Variants in CYP7B1 observed in about 807,000 individuals in gnomAD.
CYP7B1 encodes cytochrome P450 family 7 subfamily B member 1.
Under a neutral mutation model 42.7 loss-of-function variants are expected in CYP7B1, and 29 were observed. The ratio of observed to expected loss-of-function variants is 0.68; its 90% confidence interval spans 0.51 to 0.93. CYP7B1 has a LOEUF of 0.93. CYP7B1 is among the 40% of genes least tolerant of loss of function. The pLI, the probability that CYP7B1 is intolerant of heterozygous loss-of-function variation, is 0.00. For synonymous variants in CYP7B1, 235 were observed against 218.2 expected (o/e 1.08, Z -0.68); for missense variants, 655 against 600.5 (o/e 1.09, Z -0.95).
chr8:64,643,695 G>C (rs1049167858), intron 1 of CYP7B1, among the ~76,000 whole-genome samples: 2 of 152,148 alleles, frequency 1.3e-5, no homozygotes, highest in African/African-American at 4.8e-5. Flanking sequence ...GAGTCAATTC[G>C]CTCAAACCCT....
chr8:64,708,077 C>T (rs1807026511), intron 1 of CYP7B1, among the ~76,000 whole-genome samples: 2 of 152,256 alleles, frequency 1.3e-5, no homozygotes, highest in Middle Eastern at 3.4e-3. Context: ...ATATTATGTT[C>T]TTTTCTTCCT....
chr8:64,595,006 CAGAG>C lies in CYP7B1; in HGVS notation c.*1632_*1635del, dbSNP rs1396093448. Among the ~76,000 whole-genome samples, 1 of 152,144 alleles carries C rather than the reference CAGAG, an allele frequency of 6.6e-6. No homozygotes were observed. Among genetic ancestry groups the C allele is most frequent in the Non-Finnish European group, 1.5e-5 (1 of 68,012 alleles). Reference sequence around the variant, plus strand: ...GACAAAGAGGACACGTTAAAGTAGTCAGAGAGAAGAGACAGACTACCTATTGAGT... The same window carrying C: ...GACAAAGAGGACACGTTAAAGTAGTCAGAAGAGACAGACTACCTATTGAGT... On this transcript the variant is annotated 3_prime_UTR_variant, in exon 6 of 6. Transcript: ENST00000310193.
intron 1 of CYP7B1, among the ~76,000 whole-genome samples, chr8:64,630,936 C>T (rs781702853): frequency 3.3e-5 from 5 of 152,122 alleles, no homozygotes; most frequent in Non-Finnish European, 5.9e-5. Context: ...GAGACTGCAT[C>T]ATGGTAAGCT....
chr8:64,795,113 T>C (rs1804684697), intron 1 of CYP7B1, among the ~76,000 whole-genome samples: 1 of 152,170 alleles, frequency 6.6e-6, no homozygotes. Context: ...TCTCAATCAA[T>C]ATGTTATATA....
At chr8:64,680,849 A>G (rs573274490) in intron 1 of CYP7B1, among the ~76,000 whole-genome samples, 23 of 152,304 alleles carry the variant, frequency 1.5e-4, no homozygotes, top group African/African-American at 4.6e-4. Flanking sequence ...TCCATTTTCC[A>G]TGGAAACTCT....
rs61050207 is a variant in CYP7B1 at position 64,730,751 on chromosome 8, GCACACACACA to G, written c.122+67705_122+67714del. 1.6e-4 allele frequency among the ~76,000 whole-genome samples: 23 copies of G among 142,970 alleles called. No homozygotes were observed. The East Asian group carries it at 3.3e-3, about 21-fold the overall frequency. The allele number at this position is 142,970 out of a possible 152,430, so 93.8% of individuals were successfully genotyped here. A position where few individuals can be genotyped will look rare whatever the true frequency, so the allele number is the denominator to read the frequency against. ...GAACCCTGTGAAGCAAGGACTGTCT[GCACACACACA>G]CACACACACACACACACACACACAC... On this transcript the variant is annotated intron_variant, in intron 1 of 5. Coordinates refer to ENST00000310193, the MANE Select transcript of CYP7B1 (RefSeq NM_004820.5).
In CYP7B1 at chr8:64,672,328, A is replaced by G. The variant is rs544221520; in HGVS notation, c.123-47789T>C. Among the ~76,000 whole-genome samples, 19 of 152,240 alleles carry G rather than the reference A, an allele frequency of 1.2e-4. 1 individual carries two copies. Among genetic ancestry groups the G allele is most frequent in the African/African-American group, 4.1e-4 (17 of 41,542 alleles). On this transcript the variant is annotated intron_variant, in intron 1 of 5. Transcript: ENST00000310193. Reference sequence around the variant, plus strand: ...CCGATTAAGGTGTTTAAGGTATGCAATTGCTTTTATCTGACTCATTTGAAA... The same window carrying G: ...CCGATTAAGGTGTTTAAGGTATGCAGTTGCTTTTATCTGACTCATTTGAAA...
intron 1 of CYP7B1, among the ~76,000 whole-genome samples, chr8:64,780,494 A>G (rs1804404403): frequency 6.6e-6 from 1 of 152,094 alleles, no homozygotes; most frequent in South Asian, 2.1e-4. Context: ...GCAATTATAG[A>G]CTTAATTAAT....
At chr8:64,761,509 T>C (rs942460549) in intron 1 of CYP7B1, among the ~76,000 whole-genome samples, 2 of 152,114 alleles carry the variant, frequency 1.3e-5, no homozygotes, top group Admixed American at 1.3e-4. Flanking sequence ...GGGAATGTCT[T>C]AAAATGAACA....
At chr8:64,764,237 C>CT (rs1807937674) in intron 1 of CYP7B1, among the ~76,000 whole-genome samples, 1 of 138,790 alleles carries the variant, frequency 7.2e-6, no homozygotes, top group African/African-American at 2.6e-5. Flanking sequence ...CTGCCCCCCC[C>CT]ACCCCCTTCC....
At chr8:64,686,991 C>T (rs1390389438) in intron 1 of CYP7B1, among the ~76,000 whole-genome samples, 1 of 132,362 alleles carries the variant, frequency 7.6e-6, no homozygotes, top group East Asian at 2.2e-4. Flanking sequence ...ACAAACACTG[C>T]GGAAGGCCGC....
intron 1 of CYP7B1, among the ~76,000 whole-genome samples, chr8:64,792,725 C>T (rs904276998): frequency 2.6e-5 from 4 of 152,262 alleles, no homozygotes; most frequent in African/African-American, 9.6e-5. Context: ...ATGGATCATA[C>T]ACAGATCCTC....
At chr8:64,730,272 G>T (rs113621750) in intron 1 of CYP7B1, among the ~76,000 whole-genome samples, 466 of 151,400 alleles carry the variant, frequency 3.1e-3, no homozygotes, top group Non-Finnish European at 4.7e-3. Flanking sequence ...GTTTCACCAT[G>T]TTGGCCAGGT....
chr8:64,722,706 A>T (rs1347519850), intron 1 of CYP7B1, among the ~76,000 whole-genome samples: 1 of 122,534 alleles, frequency 8.2e-6, no homozygotes, highest in African/African-American at 3.1e-5. Context: ...AGAAAATCAA[A>T]CAAATGACTT....
chr8:64,740,390 A>C (rs940642442), intron 1 of CYP7B1, among the ~76,000 whole-genome samples: 1 of 151,952 alleles, frequency 6.6e-6, no homozygotes, highest in African/African-American at 2.4e-5. Flanking sequence ...TAACTGCATA[A>C]ATTATAAAAG....
At chr8:64,689,320 A>C (rs1806703595) in intron 1 of CYP7B1, among the ~76,000 whole-genome samples, 2 of 152,244 alleles carry the variant, frequency 1.3e-5, no homozygotes, top group Admixed American at 1.3e-4. Context: ...CCTCACAAAT[A>C]CATTCACACA....
chr8:64,615,770 C>A lies in CYP7B1; in HGVS notation c.771G>T (p.Met257Ile), dbSNP rs745673560. ...KCFSSEKLAK[M>I]QGWSEVFQSR... is the part of the protein sequence containing the mutation. The stretch of plus-strand genomic sequence containing the variant: ...TTTGAAAAACTTCTGACCATCCTTG[C>A]ATCTTGGCTAACTTTTCTGATGAGA... Residue 257 changes from methionine to isoleucine, a missense_variant, in exon 3 of 6, where the codon ATG (methionine) becomes ATT (isoleucine). Transcript: ENST00000310193. 2 of 1,613,784 alleles carry A rather than the reference C, an allele frequency of 1.2e-6. No individual in the cohort carries two copies. Among genetic ancestry groups the A allele is most frequent in the Non-Finnish European group, 1.7e-6 (2 of 1,179,770 alleles).
At chr8:64,755,324 C>T (rs1021199378) in intron 1 of CYP7B1, among the ~76,000 whole-genome samples, 3 of 152,232 alleles carry the variant, frequency 2.0e-5, no homozygotes, top group Admixed American at 6.5e-5. Context: ...CAGCACTTCA[C>T]TTTCCTCAGT....
chr8:64,782,368 G>T lies in CYP7B1; in HGVS notation c.122+16098C>A, dbSNP rs141071086. Among the ~76,000 whole-genome samples the T allele has an allele frequency of 5.8e-3, 883 of 152,230 alleles. 5 individuals are homozygous for T. The highest frequency in any genetic ancestry group is 9.9e-3 in the Non-Finnish European group (675 of 68,008). On this transcript the variant is annotated intron_variant, in intron 1 of 5. Coordinates refer to ENST00000310193, the MANE Select transcript of CYP7B1 (RefSeq NM_004820.5). ...TGGGATTAGTGCCCTTATAAAAGAA[G>T]CCCAACAGGTCCTTTGCCCCTTCCT... is the stretch of plus-strand genomic sequence containing the variant.
Sources: gnomAD v4.1 joint callset for allele counts (sites outside exome capture counted in the v4.1 genomes callset) on GRCh38, gnomAD v4.1.1 for gene constraint, MANE v1.5 for transcripts, NCBI Gene and HGNC (gene_info 2026-07-23, HGNC 2026-07-21) for gene names.